Variants in SH3GL3 observed in about 807,000 individuals in gnomAD.
SH3GL3 encodes the protein endophilin-A3.
A neutral mutation model predicts 47.7 loss-of-function variants in SH3GL3; 33 were observed. The ratio of observed to expected loss-of-function variants is 0.69; its 90% CI spans 0.52 to 0.92. The LOEUF is 0.92. Among genes scored for constraint, SH3GL3 ranks in the 40% least tolerant of loss-of-function variants. The pLI, the probability that SH3GL3 is intolerant of heterozygous loss-of-function variation, is 0.00. For synonymous variants in SH3GL3, 155 were observed against 148.8 expected (o/e 1.04, Z -0.30); for missense variants, 363 against 417.8 (o/e 0.87, Z 1.14).
At chr15:83,548,172 C>A (rs1466437298) in intron 1 of SH3GL3, among the ~76,000 whole-genome samples, 1 of 151,668 alleles carries the variant, frequency 6.6e-6, no homozygotes. Flanking sequence ...TTTGTGCTAT[C>A]ATTTTTATGC....
At chr15:83,493,286 A>C (rs955359293) in intron 1 of SH3GL3, among the ~76,000 whole-genome samples, 1 of 152,186 alleles carries the variant, frequency 6.6e-6, no homozygotes, top group Non-Finnish European at 1.5e-5. Flanking sequence ...AAGGTGGGCA[A>C]AACTTTAATA....
intron 1 of SH3GL3, among the ~76,000 whole-genome samples, chr15:83,523,184 T>C (rs1039945419): frequency 8.5e-5 from 13 of 152,368 alleles, no homozygotes; most frequent in East Asian, 3.9e-4. Flanking sequence ...TTTTTTCTTA[T>C]CAGCATCTCA....
At chr15:83,560,025 G>A (rs542982878) in intron 2 of SH3GL3, among the ~76,000 whole-genome samples, 40 of 152,310 alleles carry the variant, frequency 2.6e-4, no homozygotes, top group African/African-American at 6.7e-4. Flanking sequence ...TGCTCAGGTG[G>A]AGGCAGAACT....
chr15:83,573,193 G>A (rs1408945924), intron 5 of SH3GL3, among the ~76,000 whole-genome samples: 1 of 152,130 alleles, frequency 6.6e-6, no homozygotes, highest in Non-Finnish European at 1.5e-5. Context: ...CCACTTGCAT[G>A]GTGGCATTTT....
In SH3GL3 at chr15:83,510,536, A is replaced by G. The variant is rs187980590; in HGVS notation, c.46-48717A>G. 7.9e-5 allele frequency among the ~76,000 whole-genome samples: 12 copies of G among 152,342 alleles called. No homozygotes were observed. The East Asian group carries it at 2.3e-3, about 29-fold the overall frequency. ...ATGAATTGCTTTAGCAAAATTCTATAGTCCTAATTTTAAAAAGTTGTTATT... is the reference window on the plus strand; with the variant it reads ...ATGAATTGCTTTAGCAAAATTCTATGGTCCTAATTTTAAAAAGTTGTTATT... On this transcript the variant is annotated intron_variant, in intron 1 of 8. Coordinates refer to ENST00000427482, the MANE Select transcript of SH3GL3 (RefSeq NM_003027.5).
chr15:83,575,311 C>T (rs2059645284), intron 5 of SH3GL3, among the ~76,000 whole-genome samples: 1 of 152,182 alleles, frequency 6.6e-6, no homozygotes, highest in South Asian at 2.1e-4. Flanking sequence ...CTCCACCTGG[C>T]CAACCACAGA....
chr15:83,478,749 T>C (rs2041209436), intron 1 of SH3GL3, among the ~76,000 whole-genome samples: 2 of 152,194 alleles, frequency 1.3e-5, no homozygotes, highest in African/African-American at 4.8e-5. Context: ...CTCTTCCGTA[T>C]ACTAGGGTAA....
chr15:83,545,926 G>A (rs565333570), intron 1 of SH3GL3, among the ~76,000 whole-genome samples: 1 of 152,284 alleles, frequency 6.6e-6, no homozygotes, highest in African/African-American at 2.4e-5. Flanking sequence ...TAGTGGAGGG[G>A]TGATACAAGC....
At chr15:83,530,128 C>T (rs2043602051) in intron 1 of SH3GL3, among the ~76,000 whole-genome samples, 1 of 152,128 alleles carries the variant, frequency 6.6e-6, no homozygotes, top group Non-Finnish European at 1.5e-5. Flanking sequence ...TATGGCATCC[C>T]AGGGCAGGAT....
downstream of SH3GL3, among the ~76,000 whole-genome samples, chr15:83,621,441 C>T (rs1053057081): frequency 1.3e-5 from 2 of 152,114 alleles, no homozygotes; most frequent in South Asian, 2.1e-4. Context: ...GGGGAATGGC[C>T]AGGCAGTGGA....
chr15:83,567,376 T>G (rs1026434566), intron 3 of SH3GL3, among the ~76,000 whole-genome samples: 3 of 152,198 alleles, frequency 2.0e-5, no homozygotes, highest in Non-Finnish European at 4.4e-5. Flanking sequence ...TGCCTCCCAG[T>G]AACTAGACTT....
intron 1 of SH3GL3, among the ~76,000 whole-genome samples, chr15:83,493,723 A>G (rs1299079853): frequency 1.3e-5 from 2 of 151,926 alleles, no homozygotes; most frequent in Admixed American, 6.6e-5. Flanking sequence ...CCGCCATGCA[A>G]TCATAACCCA....
intron 1 of SH3GL3, among the ~76,000 whole-genome samples, chr15:83,554,884 G>A (rs772770006): frequency 6.6e-6 from 1 of 152,158 alleles, no homozygotes; most frequent in Non-Finnish European, 1.5e-5. Context: ...GTACTTGAGT[G>A]TGCTTCCAAA....
At chr15:83,621,850 A>T (rs543247676), downstream of SH3GL3, among the ~76,000 whole-genome samples, 46 of 152,214 alleles carry the variant, frequency 3.0e-4, no homozygotes, top group Non-Finnish European at 5.4e-4. Context: ...CTGATCACTG[A>T]CTTTTGTAAC....
intron 8 of SH3GL3, among the ~76,000 whole-genome samples, chr15:83,604,725 A>G (rs186131680): frequency 6.6e-5 from 10 of 152,294 alleles, no homozygotes; most frequent in African/African-American, 2.4e-4. Context: ...TTTAGTCCCC[A>G]TTTTACAGAT....
intron 1 of SH3GL3, among the ~76,000 whole-genome samples, chr15:83,450,897 T>A (rs1183078193): frequency 2.2e-5 from 3 of 133,666 alleles, no homozygotes; most frequent in Admixed American, 1.5e-4. Context: ...GCTGGTGCGC[T>A]GCACCCACTA....
intron 1 of SH3GL3, among the ~76,000 whole-genome samples, chr15:83,537,492 T>A (rs189084372): frequency 1.3e-5 from 2 of 152,290 alleles, no homozygotes; most frequent in Admixed American, 6.5e-5. Flanking sequence ...CACAGAGAAG[T>A]TCACAGTTGC....
chr15:83,611,258 C>G (rs1306669199), intron 8 of SH3GL3, among the ~76,000 whole-genome samples: 3 of 151,974 alleles, frequency 2.0e-5, no homozygotes, highest in Non-Finnish European at 4.4e-5. Context: ...CTCTCTCTCT[C>G]TCTCTCTTTC....
chr15:83,605,763 C>T (rs2060498612), intron 8 of SH3GL3, among the ~76,000 whole-genome samples: 1 of 152,130 alleles, frequency 6.6e-6, no homozygotes, highest in Non-Finnish European at 1.5e-5. Context: ...AGTGCCTGTC[C>T]AAGCCCGCGA....
Sources: gnomAD v4.1 joint callset for allele counts (sites outside exome capture counted in the v4.1 genomes callset) on GRCh38, gnomAD v4.1.1 for gene constraint, MANE v1.5 for transcripts, NCBI Gene and HGNC (gene_info 2026-07-23, HGNC 2026-07-21) for gene names.